Variants in JARID2 observed in about 807,000 individuals in gnomAD.
JARID2 encodes jumonji and AT-rich interaction domain containing 2.
JARID2 carries 21 observed loss-of-function variants against 125.6 expected under a neutral mutation model. The observed-to-expected ratio is 0.17, with a 90% CI of 0.12 to 0.24. The LOEUF (loss-of-function observed/expected upper bound fraction) is 0.24. Among genes scored for constraint, JARID2 ranks in the 10% least tolerant of loss-of-function variants. The pLI is 1.00. For missense variants in JARID2, 1,303 were observed against 1,639.6 expected (o/e 0.79, Z 3.55); for synonymous variants, 736 against 661.6 (o/e 1.11, Z -1.73).
intron 1 of JARID2, among the ~76,000 whole-genome samples, chr6:15,296,705 C>A (rs1761428834): frequency 6.6e-6 from 1 of 152,276 alleles, no homozygotes; most frequent in East Asian, 1.9e-4. Flanking sequence ...TACTGGGAGG[C>A]CTTAAAGCTG....
rs1270076494 is a variant in JARID2 at position 15,246,569 on chromosome 6, C to T, written c.30C>T (p.Ile10=). The T allele has an allele frequency of 7.4e-6, 12 of 1,613,266 alleles. No individual in the cohort carries two copies. The highest frequency in any genetic ancestry group is 1.6e-4 in the Middle Eastern group (1 of 6,084). The change falls in exon 1 of 18, where the codon ATC becomes ATT. Residue 10 remains isoleucine, a synonymous_variant. Transcript: ENST00000341776. ...GCAAGGAAAGACCCAAGAGGAATATCATTCAGAAGAAATACGTAAGTGCTC... is the reference window on the plus strand; with the variant it reads ...GCAAGGAAAGACCCAAGAGGAATATTATTCAGAAGAAATACGTAAGTGCTC... The part of the protein sequence containing the change: MSKERPKRN[I]IQKKYDDSDG...
intron 1 of JARID2, among the ~76,000 whole-genome samples, chr6:15,320,377 C>T (rs889351712): frequency 3.3e-5 from 5 of 152,088 alleles, no homozygotes; most frequent in Non-Finnish European, 5.9e-5. Context: ...TTAGGTAGTT[C>T]GTAGAATGTA....
intron 5 of JARID2, among the ~76,000 whole-genome samples, chr6:15,469,410 C>G (rs111491266): frequency 0.03 from 2,717 of 90,962 alleles, 90 homozygotes; most frequent in South Asian, 0.041. Flanking sequence ...CTCTCCCCCT[C>G]TCCGCTTCTC....
rs1222027759 is a variant in JARID2, at chr6:15,507,361, C to T, written c.2676C>T (p.Leu892=). 5 of 1,613,956 alleles carry T rather than the reference C, an allele frequency of 3.1e-6. No individual in the cohort carries two copies. Among genetic ancestry groups the T allele is most frequent in the Non-Finnish European group, 4.2e-6 (5 of 1,179,976 alleles). ...SEPFSRHGWN[L]TVLPNNTGSI... is the part of the protein sequence containing the mutation. ...CCCTTTGCAGGCATGGATGGAACCTCACCGTCCTCCCCAATAACACAGGGT... is the reference window on the plus strand; with the variant it reads ...CCCTTTGCAGGCATGGATGGAACCTTACCGTCCTCCCCAATAACACAGGGT... The change falls in exon 11 of 18, where the codon CTC becomes CTT. Residue 892 remains leucine (L), a synonymous_variant. Transcript: ENST00000341776.
intron 1 of JARID2, among the ~76,000 whole-genome samples, chr6:15,292,300 C>T (rs1171691474): frequency 6.6e-5 from 10 of 152,122 alleles, no homozygotes; most frequent in African/African-American, 2.4e-4. Context: ...GGATTACAGG[C>T]GTGAGACACC....
chr6:15,504,587 A>G lies in JARID2; in HGVS notation c.2536A>G (p.Ile846Val), dbSNP rs1441090739. ...CAGCAAGGAGCCTGCCCCAGCCGAA[A>G]TCGAGGTGAGAGAAGGGGCCCCTCA... ...CFSKEPAPAE[I>V]EQEYWRLVEE... Residue 846 changes from isoleucine to valine, a missense_variant, in exon 9 of 18, where the codon ATC becomes GTC. This residue lies in a region of JARID2 where 29 missense variants were observed against 47.7 expected (regional missense o/e 0.61). Transcript: ENST00000341776. The G allele has an allele frequency of 1.9e-6, 3 of 1,612,982 alleles. No individual in the cohort carries two copies. The highest frequency in any genetic ancestry group is 2.5e-6 in the Non-Finnish European group (3 of 1,178,954).
chr6:15,261,077 C>T (rs1224929363), intron 1 of JARID2, among the ~76,000 whole-genome samples: 1 of 152,128 alleles, frequency 6.6e-6, no homozygotes, highest in African/African-American at 2.4e-5. Context: ...CAAGGAAGGC[C>T]ATTATCTTTG....
intron 2 of JARID2, among the ~76,000 whole-genome samples, chr6:15,396,522 G>C (rs930636755): frequency 6.6e-6 from 1 of 152,102 alleles, no homozygotes; most frequent in East Asian, 1.9e-4. Flanking sequence ...CCATATCCAT[G>C]GGTGATACAT....
At chr6:15,308,415 C>A (rs1052625701) in intron 1 of JARID2, among the ~76,000 whole-genome samples, 2 of 152,174 alleles carry the variant, frequency 1.3e-5, no homozygotes, top group African/African-American at 2.4e-5. Context: ...TCATTTCCCT[C>A]AACTCAGCCT....
chr6:15,353,963 G>A (rs898228613), intron 1 of JARID2, among the ~76,000 whole-genome samples: 1 of 152,190 alleles, frequency 6.6e-6, no homozygotes, highest in Non-Finnish European at 1.5e-5. Context: ...TACAGTTTAA[G>A]ATAACAGTCC....
intron 4 of JARID2, among the ~76,000 whole-genome samples, chr6:15,460,765 C>T (rs949227787): frequency 1.5e-4 from 23 of 152,174 alleles, no homozygotes; most frequent in African/African-American, 5.3e-4. Context: ...AGTGCAGTGG[C>T]GTGATCTCGG....
chr6:15,411,461 T>C (rs1765872563), intron 3 of JARID2, among the ~76,000 whole-genome samples: 1 of 152,238 alleles, frequency 6.6e-6, no homozygotes, highest in South Asian at 2.1e-4. Flanking sequence ...TTCTCTCATT[T>C]TCTCTTCATC....
chr6:15,293,276 G>A (rs1761291637), intron 1 of JARID2, among the ~76,000 whole-genome samples: 1 of 152,210 alleles, frequency 6.6e-6, no homozygotes, highest in African/African-American at 2.4e-5. Flanking sequence ...TTAGCCTGGC[G>A]TGGTGGTGGG....
At chr6:15,250,968 C>T (rs138685340) in intron 1 of JARID2, among the ~76,000 whole-genome samples, 9 of 150,748 alleles carry the variant, frequency 6.0e-5, no homozygotes, top group Non-Finnish European at 1.2e-4. Context: ...ATATTAAAAG[C>T]GTAGTTCGTT....
chr6:15,503,115 G>A (rs771378062), intron 8 of JARID2, among the ~76,000 whole-genome samples: 2 of 152,108 alleles, frequency 1.3e-5, no homozygotes, highest in Non-Finnish European at 1.5e-5. Context: ...ATATAGTGGA[G>A]CTCTGCGTGG....
chr6:15,280,842 T>G (rs573391687), intron 1 of JARID2, among the ~76,000 whole-genome samples: 1 of 152,316 alleles, frequency 6.6e-6, no homozygotes, highest in Non-Finnish European at 1.5e-5. Context: ...TTGGCCAGGC[T>G]GGTCTTGAAT....
intron 1 of JARID2, among the ~76,000 whole-genome samples, chr6:15,253,631 A>G (rs1246250586): frequency 6.6e-6 from 1 of 151,444 alleles, no homozygotes; most frequent in Non-Finnish European, 1.5e-5. Context: ...TTTTTTTTAC[A>G]CTTGTACCAC....
Position 15,248,747 on chromosome 6 carries a change from C to G in JARID2, c.45+2163C>G, listed in dbSNP as rs1177672873. 3 of 186,502 alleles carry G rather than the reference C, an allele frequency of 1.6e-5. No homozygotes were observed. The Admixed American group carries it at 2.0e-4, about 12-fold the overall frequency. The allele number at this position is 186,502 out of a possible 1,614,324, so 11.6% of individuals were successfully genotyped here. On this transcript the variant is annotated intron_variant, in intron 1 of 17. Transcript: ENST00000341776. ...CGGCCGCACTCTGTTGTCATTGTGACGTCACAAAGGGACGGGCTCGGGTGG... is the reference window on the plus strand; with the variant it reads ...CGGCCGCACTCTGTTGTCATTGTGAGGTCACAAAGGGACGGGCTCGGGTGG...
At chr6:15,381,753 T>C (rs1473066642) in intron 2 of JARID2, among the ~76,000 whole-genome samples, 1 of 152,198 alleles carries the variant, frequency 6.6e-6, no homozygotes, top group Non-Finnish European at 1.5e-5. Flanking sequence ...ATTGTGGGTA[T>C]AAAAACTGAG....
Sources: gnomAD v4.1 joint callset for allele counts (sites outside exome capture counted in the v4.1 genomes callset) on GRCh38, gnomAD v4.1.1 for gene constraint, gnomAD v4.1.1 regional missense constraint, MANE v1.5 for transcripts, NCBI Gene and HGNC (gene_info 2026-07-23, HGNC 2026-07-21) for gene names.